FHL1: variants seen among roughly 807,000 people sequenced by gnomAD.
FHL1 encodes four and a half LIM domains 1.
In FHL1, 1 loss-of-function variant was observed where a neutral mutation model predicts 20.3. The ratio of observed to expected loss-of-function variants is 0.05; its 90% CI spans 0.02 to 0.23. FHL1 has a LOEUF of 0.23. Among genes scored for constraint, FHL1 ranks in the 10% least tolerant of loss-of-function variants. FHL1 has a pLI of 1.00. For missense variants in FHL1, 177 were observed against 234.0 expected (o/e 0.76, Z 1.59); for synonymous variants, 82 against 88.9 (o/e 0.92, Z 0.44).
At chrX:136,149,684 G>T (rs1033689522) in intron 1 of FHL1, among the ~76,000 whole-genome samples, 1 of 111,651 alleles carries the variant, frequency 9.0e-6, no homozygotes, top group Non-Finnish European at 1.9e-5. Flanking sequence ...AAGAAAAATT[G>T]TGTAAGATTT....
intron 1 of FHL1, among the ~76,000 whole-genome samples, chrX:136,160,325 T>C (rs1682643200): frequency 8.9e-6 from 1 of 112,109 alleles, no homozygotes; most frequent in Non-Finnish European, 1.9e-5. Context: ...GTCAGGTCTG[T>C]GATAAGACCT....
At chrX:136,197,837 GCTGTGGCC>G (rs1179414478) in intron 1 of FHL1, among the ~76,000 whole-genome samples, 3 of 112,104 alleles carry the variant, frequency 2.7e-5, no homozygotes, top group Non-Finnish European at 5.6e-5. Flanking sequence ...CAGGAGGGTG[GCTGTGGCC>G]CTGTGGCCCT....
chrX:136,161,404 G>A (rs1324678053), intron 1 of FHL1, among the ~76,000 whole-genome samples: 1 of 111,971 alleles, frequency 8.9e-6, no homozygotes, highest in Non-Finnish European at 1.9e-5. Flanking sequence ...TATAATTCTT[G>A]GACTGCCTGA....
upstream of FHL1, among the ~76,000 whole-genome samples, chrX:136,166,620 T>C (rs766943364): frequency 1.6e-4 from 18 of 111,908 alleles, no homozygotes; most frequent in African/African-American, 5.2e-4. Flanking sequence ...CGGATTCCAT[T>C]AAGTAGAATC....
chrX:136,209,416 C>A, intron 5 of FHL1: 2 of 1,210,799 alleles, frequency 1.7e-6, no homozygotes, highest in South Asian at 1.8e-5. Context: ...TAGAAAAAAT[C>A]GAAGCTTAGC....
chrX:136,162,872 A>G (rs1046646421), intron 1 of FHL1, among the ~76,000 whole-genome samples: 1 of 112,415 alleles, frequency 8.9e-6, no homozygotes. Context: ...TGGATACCTT[A>G]TAAAGAACAG....
At chrX:136,184,162 A>T (rs1203043112) in intron 2 of FHL1, among the ~76,000 whole-genome samples, 1 of 112,115 alleles carries the variant, frequency 8.9e-6, no homozygotes, top group Non-Finnish European at 1.9e-5. Flanking sequence ...CTGTGTTACA[A>T]AGGGATTAAC....
chrX:136,205,358 T>C (rs960623289), intron 1 of FHL1, among the ~76,000 whole-genome samples: 1 of 111,503 alleles, frequency 9.0e-6, no homozygotes, highest in African/African-American at 3.3e-5. Flanking sequence ...AATAATTTTT[T>C]CCAGACTCTA....
intron 2 of FHL1, among the ~76,000 whole-genome samples, chrX:136,176,064 C>T (rs2072994541): frequency 8.9e-6 from 1 of 112,075 alleles, no homozygotes; most frequent in African/African-American, 3.2e-5. Flanking sequence ...TCCAGAGCCC[C>T]CATTTCTCTT....
chrX:136,208,953 G>A (rs1198691721), intron 5 of FHL1, among the ~76,000 whole-genome samples: 3 of 12,409 alleles, frequency 2.4e-4, no homozygotes, highest in African/African-American at 9.5e-4. Flanking sequence ...GAGGAGGGTA[G>A]AAAGAAGGGG....
At chrX:136,162,218 T>C (rs187626300) in intron 1 of FHL1, among the ~76,000 whole-genome samples, 1 of 105,948 alleles carries the variant, frequency 9.4e-6, no homozygotes, top group African/African-American at 3.5e-5. Context: ...AAGGATGTGG[T>C]GGAAAGAGTA....
At chrX:136,197,193 G>A (rs1045697956) in intron 1 of FHL1, 59 bp downstream of exon 1, 2 of 1,017,929 alleles carry the variant, frequency 2.0e-6, no homozygotes, top group Non-Finnish European at 2.8e-6. Context: ...CAGTGAATCC[G>A]TCATTGGGCT....
intron 2 of FHL1, among the ~76,000 whole-genome samples, chrX:136,177,817 AGTT>A (rs1338694001): frequency 5.4e-5 from 6 of 112,071 alleles, no homozygotes; most frequent in Admixed American, 3.8e-4. Flanking sequence ...TGCATATGGA[AGTT>A]GTTGTAAGAT....
At chrX:136,153,212 CA>C (rs1569528248) in intron 1 of FHL1, among the ~76,000 whole-genome samples, 2 of 92,848 alleles carry the variant, frequency 2.2e-5, no homozygotes, top group Non-Finnish European at 4.2e-5. Context: ...TTTCGGAGCA[CA>C]AAAAGAGGAA....
At chrX:136,197,968 G>GTTT (rs56750734) in intron 1 of FHL1, among the ~76,000 whole-genome samples, 127 of 96,638 alleles carry the variant, frequency 1.3e-3, no homozygotes, top group Non-Finnish European at 1.7e-3. Context: ...CATTATCTAT[G>GTTT]TTTTTTTTTT....
chrX:136,151,755 A>G (rs1054816110), intron 1 of FHL1, among the ~76,000 whole-genome samples: 1 of 111,814 alleles, frequency 8.9e-6, no homozygotes, highest in Non-Finnish European at 1.9e-5. Context: ...GTTCCTGCAT[A>G]CCAACCTGAA....
chrX:136,193,878 C>T (rs1375647389), upstream of FHL1, among the ~76,000 whole-genome samples: 1 of 110,110 alleles, frequency 9.1e-6, no homozygotes, highest in Non-Finnish European at 1.9e-5. Context: ...GCAGAAAGAT[C>T]CTCCGTGTGT....
intron 1 of FHL1, among the ~76,000 whole-genome samples, chrX:136,156,128 C>G (rs1442101454): frequency 9.0e-6 from 1 of 111,254 alleles, no homozygotes; most frequent in Admixed American, 9.6e-5. Flanking sequence ...ATAGGAAATA[C>G]CTGTGGACTG....
At chrX:136,190,793 A>G (rs893858494) in intron 2 of FHL1, among the ~76,000 whole-genome samples, 1 of 112,035 alleles carries the variant, frequency 8.9e-6, no homozygotes, top group Non-Finnish European at 1.9e-5. Flanking sequence ...TTCGGAGTCC[A>G]GACACTCAGC....
Sources: allele counts gnomAD v4.1 joint callset (sites outside exome capture counted in the v4.1 genomes callset), GRCh38; gene constraint gnomAD v4.1.1; transcripts MANE v1.5; gene names NCBI Gene and HGNC (gene_info 2026-07-23, HGNC 2026-07-21).